The following EPHA6 variants were observed in gnomAD, a reference collection of about 807,000 sequenced individuals.
EPHA6 encodes the protein EPH receptor A6.
In EPHA6, 50 loss-of-function variants were observed where a neutral mutation model predicts 112.0. The ratio of observed to expected loss-of-function variants is 0.45; its 90% CI spans 0.36 to 0.56. EPHA6 has a LOEUF of 0.56. Among genes scored for constraint, EPHA6 ranks in the 20% least tolerant of loss-of-function variants. The probability of loss-of-function intolerance (pLI) is 0.00; values close to 1 mark genes in which losing one functional copy is unlikely to be tolerated. For missense variants in EPHA6, 1,280 were observed against 1,417.4 expected, an observed-to-expected ratio of 0.90 and a Z score of 1.56; for synonymous variants, 529 against 490.7, an observed-to-expected ratio of 1.08 and a Z score of -1.03.
chr3:97,358,165 C>T (rs2084181319), intron 5 of EPHA6, among the ~76,000 whole-genome samples: 1 of 151,778 alleles, frequency 6.6e-6, no homozygotes, highest in Non-Finnish European at 1.5e-5. Flanking sequence ...TAATTTCCTG[C>T]ATTATTTTCT....
At chr3:97,272,515 G>C (rs1227530578) in intron 5 of EPHA6, among the ~76,000 whole-genome samples, 1 of 152,280 alleles carries the variant, frequency 6.6e-6, no homozygotes, top group East Asian at 1.9e-4. Context: ...TGAGCAACAA[G>C]GCTATTTATT....
chr3:97,388,688 A>T (rs2086219284), intron 5 of EPHA6, among the ~76,000 whole-genome samples: 1 of 152,134 alleles, frequency 6.6e-6, no homozygotes, highest in South Asian at 2.1e-4. Context: ...GGGATTTATG[A>T]CAGCTGAATT....
At chr3:97,276,920 C>T (rs910085703) in intron 5 of EPHA6, among the ~76,000 whole-genome samples, 3 of 152,130 alleles carry the variant, frequency 2.0e-5, no homozygotes, top group East Asian at 3.9e-4. Context: ...GAGGGCTAGT[C>T]GTGGAACGAA....
In EPHA6 at chr3:97,515,790, A is replaced by G. The variant is rs139440855; in HGVS notation, c.2201-16568A>G. ...TCTCCTTGAGGACAGTGCTATATTT[A>G]GAGGCATGCTTTAGTGGAAAAGAAT... is the stretch of plus-strand genomic sequence containing the variant. On this transcript the variant is annotated intron_variant, in intron 10 of 17. Transcript: ENST00000389672. 5.8e-3 allele frequency among the ~76,000 whole-genome samples: 879 copies of G among 152,312 alleles called. 4 individuals carry two copies. The highest frequency in any genetic ancestry group is 9.9e-3 in the Admixed American group (151 of 15,290).
intron 7 of EPHA6, among the ~76,000 whole-genome samples, chr3:97,460,123 G>T (rs779977006): frequency 2.0e-5 from 3 of 152,196 alleles, no homozygotes; most frequent in Non-Finnish European, 2.9e-5. Flanking sequence ...TTTGTCTCAG[G>T]CTCAGTAACA....
chr3:97,554,472 C>T (rs891813058), intron 11 of EPHA6, among the ~76,000 whole-genome samples: 2 of 151,968 alleles, frequency 1.3e-5, no homozygotes, highest in Admixed American at 6.6e-5. Context: ...AGTAACTGAA[C>T]AACTAGAATC....
intron 4 of EPHA6, among the ~76,000 whole-genome samples, chr3:97,242,206 A>G (rs553626115): frequency 6.6e-6 from 1 of 151,920 alleles, no homozygotes; most frequent in Non-Finnish European, 1.5e-5. Context: ...AAAACTATCC[A>G]TACTCATTCC....
intron 14 of EPHA6, among the ~76,000 whole-genome samples, chr3:97,713,917 G>A (rs1187686410): frequency 6.6e-6 from 1 of 152,192 alleles, no homozygotes; most frequent in East Asian, 1.9e-4. Flanking sequence ...GTCTTGGAAG[G>A]GCACTGGGAG....
chr3:97,711,671 C>T (rs1166385333), intron 14 of EPHA6, among the ~76,000 whole-genome samples: 1 of 152,122 alleles, frequency 6.6e-6, no homozygotes, highest in Non-Finnish European at 1.5e-5. Context: ...CAAACTCACT[C>T]TTCCTCCACT....
At chr3:97,318,618 A>T (rs903964223) in intron 5 of EPHA6, among the ~76,000 whole-genome samples, 3 of 151,988 alleles carry the variant, frequency 2.0e-5, no homozygotes, top group African/African-American at 7.3e-5. Flanking sequence ...ATGAAACAAA[A>T]ATCTAATTTA....
At chr3:97,486,672 A>G (rs1294181737) in intron 10 of EPHA6, among the ~76,000 whole-genome samples, 1 of 152,122 alleles carries the variant, frequency 6.6e-6, no homozygotes, top group African/African-American at 2.4e-5. Flanking sequence ...TTACCTCTTT[A>G]AGGTCCCACC....
intron 1 of EPHA6, among the ~76,000 whole-genome samples, chr3:96,854,460 C>G: frequency 6.6e-6 from 1 of 151,876 alleles, no homozygotes; most frequent in East Asian, 1.9e-4. Flanking sequence ...AGATTTATAG[C>G]ACTTATCATA....
At chr3:96,966,096 A>C (rs965119221) in intron 2 of EPHA6, among the ~76,000 whole-genome samples, 1 of 151,888 alleles carries the variant, frequency 6.6e-6, no homozygotes. Context: ...TATTGAATAA[A>C]TTAGGTATTC....
At chr3:97,720,751 G>A (rs1338661490) in intron 15 of EPHA6, among the ~76,000 whole-genome samples, 1 of 152,096 alleles carries the variant, frequency 6.6e-6, no homozygotes, top group East Asian at 1.9e-4. Context: ...TCTTCCTTAG[G>A]GCAATTCAAT....
At chr3:97,458,153 A>G (rs928047364) in intron 7 of EPHA6, among the ~76,000 whole-genome samples, 1 of 151,698 alleles carries the variant, frequency 6.6e-6, no homozygotes, top group Non-Finnish European at 1.5e-5. Flanking sequence ...TTCCCTTGAA[A>G]TTTAAATTGA....
At chr3:96,882,378 G>A (rs1037435627) in intron 2 of EPHA6, among the ~76,000 whole-genome samples, 1 of 152,128 alleles carries the variant, frequency 6.6e-6, no homozygotes, top group African/African-American at 2.4e-5. Context: ...AGTTATTGGG[G>A]TACAGGTGGT....
At chr3:97,320,816 C>CCAAAAA (rs2082076932) in intron 5 of EPHA6, among the ~76,000 whole-genome samples, 3 of 93,994 alleles carry the variant, frequency 3.2e-5, no homozygotes, top group African/African-American at 1.3e-4. Context: ...TCTCTGGGGG[C>CCAAAAA]AAAAAATAAA....
chr3:97,364,703 T>TA (rs201466653), intron 5 of EPHA6, among the ~76,000 whole-genome samples: 2,307 of 152,218 alleles, frequency 0.015, 56 homozygotes, highest in African/African-American at 0.05. Flanking sequence ...ATTTCTAAAA[T>TA]AAAAAAGTCC....
intron 13 of EPHA6, among the ~76,000 whole-genome samples, chr3:97,615,173 C>T (rs2093754845): frequency 6.6e-6 from 1 of 152,142 alleles, no homozygotes; most frequent in Admixed American, 6.6e-5. Context: ...CTCCCCTACC[C>T]TGGGAAGCAG....
Sources: gnomAD v4.1 joint callset for allele counts (sites outside exome capture counted in the v4.1 genomes callset) on GRCh38, gnomAD v4.1.1 for gene constraint, MANE v1.5 for transcripts, NCBI Gene and HGNC (gene_info 2026-07-23, HGNC 2026-07-21) for gene names.